The following RPL38 variants were observed in gnomAD, a reference collection of about 807,000 sequenced individuals.
RPL38 encodes ribosomal protein L38, also known as large ribosomal subunit protein eL38.
RPL38 carries 2 observed loss-of-function variants against 12.8 expected under a neutral mutation model. That is an observed-to-expected ratio of 0.16 (90% CI 0.06 to 0.49). The LOEUF is 0.49. Ranked by LOEUF, RPL38 falls within the 20% of genes least tolerant of loss-of-function variation. The pLI is 0.96. For synonymous variants in RPL38, 42 were observed against 30.1 expected (o/e 1.39, Z -1.29); for missense variants, 52 against 79.8 (o/e 0.65, Z 1.33).
chr17:74,203,843 T>A (rs2050083175), intron 1 of RPL38, 75 bp from the exon 2 acceptor site: 1 of 1,348,830 alleles, frequency 7.4e-7, no homozygotes, highest in Admixed American at 2.5e-5. Context: ...GGGCCGATAT[T>A]TCGGGGGAGA....
At chr17:74,206,747 CTG>C (rs1371704152) in intron 3 of RPL38, among the ~76,000 whole-genome samples, 5 of 123,522 alleles carry the variant, frequency 4.0e-5, no homozygotes, top group East Asian at 2.6e-4. Context: ...GAATGTCACT[CTG>C]TTGCCCAGAC....
At chr17:74,203,833 G>A in intron 1 of RPL38, 85 bp from the exon 2 acceptor site, 1 of 1,260,668 alleles carries the variant, frequency 7.9e-7, no homozygotes, top group South Asian at 1.5e-5. Context: ...GAGTGCGATG[G>A]GGCCGATATT....
rs1053146305 is a variant in RPL38 at position 74,210,634 on chromosome 17, T to TA, written c.*809dup. 6.6e-6 allele frequency: 1 copy of TA among 152,276 alleles called. No homozygotes were observed. The highest frequency in any genetic ancestry group is 2.4e-5 in the African/African-American group (1 of 41,460). 9.4% of individuals were successfully genotyped at this position (152,276 alleles called of 1,614,324 possible). A position where few individuals can be genotyped will look rare whatever the true frequency, so the allele number is the denominator to read the frequency against. On this transcript the variant is annotated 3_prime_UTR_variant, in exon 5 of 5. Coordinates refer to ENST00000311111, the MANE Select transcript of RPL38 (RefSeq NM_000999.4). ...GCCCCTCTGGAAATGACTGGCATCATAAAATCTGTCTTCATACCCGAGGTA... is the reference window on the plus strand; with the variant it reads ...GCCCCTCTGGAAATGACTGGCATCATAAAAATCTGTCTTCATACCCGAGGTA...
chr17:74,209,180 C>T lies in RPL38; in HGVS notation c.65-7C>T. 1 of 1,613,286 alleles carries T rather than the reference C, an allele frequency of 6.2e-7. No individual in the cohort carries two copies. Among genetic ancestry groups the T allele is most frequent in the Non-Finnish European group, 8.5e-7 (1 of 1,179,796 alleles). Reference sequence around the variant, plus strand: ...ACAATTTAATTCCTGATTCTGGTCTCCGGTAGCTGTCAAGATCAAGAAAAA... The same window carrying T: ...ACAATTTAATTCCTGATTCTGGTCTTCGGTAGCTGTCAAGATCAAGAAAAA... On this transcript the variant is annotated splice_region_variant and splice_polypyrimidine_tract_variant and intron_variant, in intron 3 of 4. Transcript: ENST00000311111.
Position 74,203,972 on chromosome 17 carries a change from C to T in RPL38, c.3+14C>T, listed in dbSNP as rs774145633. The T allele has an allele frequency of 1.5e-5, 24 of 1,612,878 alleles. No homozygotes were observed. In the South Asian group the frequency reaches 2.1e-4, roughly 14 times the overall value. On this transcript the variant is annotated intron_variant, in intron 2 of 4. Coordinates refer to ENST00000311111, the MANE Select transcript of RPL38 (RefSeq NM_000999.4). ...CTCGTCGCCATGGTGAGTACAGTCC[C>T]TGCCTGGCGCCTTCCCGGGGTGGGC...
chr17:74,204,707 T>A (rs9635671), intron 3 of RPL38: 8,030 of 148,164 alleles, frequency 0.054, 396 homozygotes, highest in African/African-American at 0.14. Flanking sequence ...TTTAAAAAAA[T>A]TTTTTTTTTT....
intron 3 of RPL38, 146 bp downstream of exon 3, chr17:74,204,336 T>G (rs2050090910): frequency 1.5e-6 from 1 of 685,378 alleles, no homozygotes; most frequent in Admixed American, 2.8e-5. Flanking sequence ...TCATCCTGTT[T>G]CCCATGAGAA....
At chr17:74,209,592 G>A in intron 4 of RPL38, 1 of 620,720 alleles carries the variant, frequency 1.6e-6, no homozygotes, top group South Asian at 2.0e-5. Context: ...TTTTTACAGG[G>A]GAACAGATGA....
rs117852236 is a variant in RPL38, at chr17:74,209,447, G to A, written c.187+138G>A. On this transcript the variant is annotated intron_variant, in intron 4 of 4. Transcript: ENST00000311111. Reference sequence around the variant, plus strand: ...TCTAAGAATCTGCTCTTGCTGTTGGGAGTGTGAGGAATAGTTGTGATTCTC... The same window carrying A: ...TCTAAGAATCTGCTCTTGCTGTTGGAAGTGTGAGGAATAGTTGTGATTCTC... 3,479 of 940,238 alleles carry A rather than the reference G, an allele frequency of 3.7e-3. 9 individuals are homozygous for A. Among genetic ancestry groups the A allele is most frequent in the Non-Finnish European group, 4.6e-3 (2,877 of 623,084 alleles). The allele number at this position is 940,238 out of a possible 1,614,324, so 58.2% of individuals were successfully genotyped here.
chr17:74,204,589 T>A lies in RPL38; in HGVS notation c.64+399T>A, dbSNP rs977011065. On this transcript the variant is annotated intron_variant, in intron 3 of 4. Transcript: ENST00000311111. ...TGTAATAAAGTGCTGGATATTTGCA[T>A]GTAATGTATCGAGCACGGCACACTG... 3 of 267,250 alleles carry A rather than the reference T, an allele frequency of 1.1e-5. No homozygotes were observed. In the East Asian group the frequency reaches 2.9e-4, roughly 26 times the overall value. The allele number at this position is 267,250 out of a possible 1,614,324, so 16.6% of individuals were successfully genotyped here.
Position 74,209,771 on chromosome 17 carries a change from C to T in RPL38, c.188-33C>T, listed in dbSNP as rs2050148098. The T allele has an allele frequency of 2.5e-6, 4 of 1,606,916 alleles. No homozygotes were observed. The South Asian group carries it at 3.3e-5, about 13-fold the overall frequency. ...AGCAGCAGCAACTCAGATGTGTCTT[C>T]TGGATGGCTTACTTTTGTCTCTTTC... On this transcript the variant is annotated intron_variant, in intron 4 of 4. Coordinates refer to ENST00000311111, the MANE Select transcript of RPL38 (RefSeq NM_000999.4).
chr17:74,209,472 C>T (rs2050144872), intron 4 of RPL38, 163 bp downstream of exon 4: 2 of 777,814 alleles, frequency 2.6e-6, no homozygotes, highest in South Asian at 3.6e-5. Context: ...TTGTGATTCT[C>T]AGATTATATA....
At position 74,210,459 on chromosome 17, in the gene RPL38, CTT is replaced by C. The variant is rs2050157139; in HGVS notation, c.*631_*632del. On this transcript the variant is annotated 3_prime_UTR_variant, in exon 5 of 5. Coordinates refer to ENST00000311111, the MANE Select transcript of RPL38 (RefSeq NM_000999.4). ...ATCTACCACTCGCTAACTTGACTGACTTGGAGAAATGACTACACTTTTGCCTG... is the reference window on the plus strand; with the variant it reads ...ATCTACCACTCGCTAACTTGACTGACGGAGAAATGACTACACTTTTGCCTG... 1 of 152,294 alleles carries C rather than the reference CTT, an allele frequency of 6.6e-6. No individual in the cohort carries two copies. The highest frequency in any genetic ancestry group is 1.5e-5 in the Non-Finnish European group (1 of 68,100). The allele number at this position is 152,294 out of a possible 1,614,324, so 9.4% of individuals were successfully genotyped here.
intron 3 of RPL38, among the ~76,000 whole-genome samples, chr17:74,206,907 G>C (rs113369294): frequency 0.026 from 3,859 of 150,796 alleles, 167 homozygotes; most frequent in African/African-American, 0.087. Flanking sequence ...AAGTAGAGAC[G>C]GGGTTTCACC....
intron 1 of RPL38, 59 bp downstream of exon 1, chr17:74,203,804 G>A: frequency 2.1e-6 from 2 of 964,188 alleles, no homozygotes; most frequent in Non-Finnish European, 3.1e-6. Context: ...CGCGTGGAGG[G>A]TGTCGGGGAG....
At chr17:74,209,137 A>C in intron 3 of RPL38, 50 bp from the exon 4 acceptor site, 1 of 1,604,704 alleles carries the variant, frequency 6.2e-7, no homozygotes, top group Non-Finnish European at 8.5e-7. Flanking sequence ...GGACTGTGTC[A>C]CATCTGTTTT....
At chr17:74,207,965 GGC>G (rs1247540980) in intron 3 of RPL38, among the ~76,000 whole-genome samples, 1 of 152,208 alleles carries the variant, frequency 6.6e-6, no homozygotes, top group Non-Finnish European at 1.5e-5. Context: ...GCCTTGGGCA[GGC>G]TCTGAGTCAC....
intron 3 of RPL38, chr17:74,204,701 AAAAAAT>A (rs2050095472): frequency 6.6e-6 from 1 of 152,472 alleles, no homozygotes; most frequent in Non-Finnish European, 1.5e-5. Flanking sequence ...AAAATATTTA[AAAAAAT>A]TTTTTTTTTT....
chr17:74,205,081 T>C lies in RPL38; in HGVS notation c.64+891T>C, dbSNP rs1433955903. ...TAAGTTGGACTGTCATAGGTCTGTT[T>C]CCCAGCTTGTACATACAGGGGAAAG... On this transcript the variant is annotated intron_variant, in intron 3 of 4. Transcript: ENST00000311111. 2.0e-5 allele frequency: 3 copies of C among 152,242 alleles called. No homozygotes were observed. The East Asian group carries it at 5.8e-4, about 29-fold the overall frequency. 9.4% of individuals were successfully genotyped at this position (152,242 alleles called of 1,614,324 possible).
Sources: allele counts gnomAD v4.1 joint callset (sites outside exome capture counted in the v4.1 genomes callset), GRCh38; gene constraint gnomAD v4.1.1; transcripts MANE v1.5; gene names NCBI Gene and HGNC (gene_info 2026-07-23, HGNC 2026-07-21).